CXCL13: variants seen among roughly 807,000 people sequenced by gnomAD.
CXCL13 encodes C-X-C motif chemokine 13.
CXCL13 carries 7 observed loss-of-function variants against 12.2 expected under a neutral mutation model. The ratio of observed to expected loss-of-function variants is 0.57; its 90% CI spans 0.33 to 1.07. CXCL13 has a LOEUF of 1.07. CXCL13 is among the 50% of genes least tolerant of loss of function. The pLI is 0.04. For missense variants in CXCL13, 113 were observed against 127.4 expected (o/e 0.89, Z 0.55); for synonymous variants, 47 against 42.4 (o/e 1.11, Z -0.42).
chr4:77,515,471 C>T (rs1323011784), intron 1 of CXCL13, among the ~76,000 whole-genome samples: 1 of 152,158 alleles, frequency 6.6e-6, no homozygotes. Flanking sequence ...TTTGTATCCT[C>T]TTTTATTTCA....
intron 1 of CXCL13, among the ~76,000 whole-genome samples, chr4:77,577,656 T>C (rs1726229035): frequency 6.6e-6 from 1 of 152,178 alleles, no homozygotes; most frequent in South Asian, 2.1e-4. Flanking sequence ...TTTCCATTAA[T>C]ATGAGTGAAA....
intron 1 of CXCL13, among the ~76,000 whole-genome samples, chr4:77,512,154 G>A (rs1317620803): frequency 6.6e-6 from 1 of 152,140 alleles, no homozygotes; most frequent in Non-Finnish European, 1.5e-5. Flanking sequence ...ATTATTCAAT[G>A]AGAAACAGGG....
intron 1 of CXCL13, among the ~76,000 whole-genome samples, chr4:77,531,948 G>A (rs1233416818): frequency 1.3e-5 from 2 of 152,234 alleles, no homozygotes; most frequent in Admixed American, 1.3e-4. Flanking sequence ...TCTCTGGTAC[G>A]TGAGATGGGT....
intron 1 of CXCL13, among the ~76,000 whole-genome samples, chr4:77,522,420 G>A (rs1162958919): frequency 5.4e-5 from 8 of 148,104 alleles, no homozygotes; most frequent in African/African-American, 2.0e-4. Context: ...TTGTTGAATT[G>A]ATCCCTTATC....
intron 1 of CXCL13, among the ~76,000 whole-genome samples, chr4:77,575,087 G>C (rs561531561): frequency 1.3e-5 from 2 of 151,840 alleles, no homozygotes; most frequent in Non-Finnish European, 2.9e-5. Context: ...AATTCAAAAG[G>C]TTATTGTATA....
chr4:77,540,018 A>G (rs1352382295), intron 1 of CXCL13, among the ~76,000 whole-genome samples: 1 of 152,208 alleles, frequency 6.6e-6, no homozygotes, highest in African/African-American at 2.4e-5. Flanking sequence ...TGACAGTTGT[A>G]TCAATCTTGA....
intron 2 of CXCL13, among the ~76,000 whole-genome samples, chr4:77,609,999 C>T (rs1052424444): frequency 2.0e-5 from 3 of 152,146 alleles, no homozygotes; most frequent in African/African-American, 7.2e-5. Context: ...AAGCATAGTG[C>T]CTGGTGTGTT....
At chr4:77,538,423 C>CTTTTT (rs80263344) in intron 1 of CXCL13, among the ~76,000 whole-genome samples, 2 of 124,180 alleles carry the variant, frequency 1.6e-5, no homozygotes, top group African/African-American at 3.0e-5. Context: ...AATGTCTTGT[C>CTTTTT]TTTTTTTTTT....
At chr4:77,558,013 A>G (rs1725705745) in intron 1 of CXCL13, among the ~76,000 whole-genome samples, 1 of 152,244 alleles carries the variant, frequency 6.6e-6, no homozygotes, top group Admixed American at 6.5e-5. Flanking sequence ...TGTCCTTGCT[A>G]GAATTTCAAG....
chr4:77,552,065 A>T (rs551890288), intron 1 of CXCL13, among the ~76,000 whole-genome samples: 137 of 152,114 alleles, frequency 9.0e-4, no homozygotes, highest in African/African-American at 3.2e-3. Flanking sequence ...TATCCTTTGA[A>T]TTATTTATCT....
chr4:77,543,053 CT>C (rs1045942965), intron 1 of CXCL13, among the ~76,000 whole-genome samples: 9 of 152,048 alleles, frequency 5.9e-5, no homozygotes, highest in African/African-American at 1.7e-4. Context: ...CAATATTAGT[CT>C]GTTCAGGGTT....
chr4:77,583,678 A>G (rs1291668729), intron 1 of CXCL13, among the ~76,000 whole-genome samples: 1 of 152,080 alleles, frequency 6.6e-6, no homozygotes, highest in Non-Finnish European at 1.5e-5. Context: ...TTGTCACTTC[A>G]CCAATGAAAC....
chr4:77,544,469 G>A (rs1578046181), intron 1 of CXCL13, among the ~76,000 whole-genome samples: 1 of 152,240 alleles, frequency 6.6e-6, no homozygotes, highest in South Asian at 2.1e-4. Flanking sequence ...TCTCATTGTG[G>A]TTTTGATTTG....
intron 1 of CXCL13, among the ~76,000 whole-genome samples, chr4:77,530,816 G>C (rs1334729493): frequency 6.6e-6 from 1 of 151,974 alleles, no homozygotes; most frequent in African/African-American, 2.4e-5. Context: ...CCTTCTGCTA[G>C]CTTTTGTATG....
At chr4:77,607,009 G>A (rs1727015163) in intron 1 of CXCL13, among the ~76,000 whole-genome samples, 1 of 152,122 alleles carries the variant, frequency 6.6e-6, no homozygotes, top group Non-Finnish European at 1.5e-5. Flanking sequence ...GTAATGATTT[G>A]CAACCCAGAC....
intron 1 of CXCL13, among the ~76,000 whole-genome samples, chr4:77,516,883 C>A (rs1001213143): frequency 6.6e-6 from 1 of 152,154 alleles, no homozygotes; most frequent in Non-Finnish European, 1.5e-5. Context: ...TTTTCTACTT[C>A]TTTTAATTTG....
At chr4:77,586,786 C>T (rs1260363607) in intron 1 of CXCL13, among the ~76,000 whole-genome samples, 1 of 152,096 alleles carries the variant, frequency 6.6e-6, no homozygotes, top group African/African-American at 2.4e-5. Context: ...AGGGGCACTT[C>T]GGGGTACAAT....
intron 1 of CXCL13, among the ~76,000 whole-genome samples, chr4:77,586,368 CG>C (rs1726459155): frequency 6.6e-6 from 1 of 152,018 alleles, no homozygotes; most frequent in African/African-American, 2.4e-5. Flanking sequence ...TTCTTAAAAT[CG>C]GTATGTTGGC....
chr4:77,512,137 C>T (rs1724292038), intron 1 of CXCL13, among the ~76,000 whole-genome samples: 1 of 152,154 alleles, frequency 6.6e-6, no homozygotes, highest in Non-Finnish European at 1.5e-5. Flanking sequence ...CTGATTTTTA[C>T]TTCCATATTA....
Sources: allele counts gnomAD v4.1 joint callset (sites outside exome capture counted in the v4.1 genomes callset), GRCh38; gene constraint gnomAD v4.1.1; transcripts MANE v1.5; gene names NCBI Gene and HGNC (gene_info 2026-07-23, HGNC 2026-07-21).